TERF1: variants seen among roughly 807,000 people sequenced by gnomAD.
TERF1 encodes the protein telomeric repeat-binding factor 1.
A neutral mutation model predicts 55.1 loss-of-function variants in TERF1; 20 were observed. The ratio of observed to expected loss-of-function variants is 0.36; its 90% CI spans 0.26 to 0.53. The LOEUF is 0.53. TERF1 is among the 20% of genes least tolerant of loss of function. The pLI, the probability that TERF1 is intolerant of heterozygous loss-of-function variation, is 0.91. For synonymous variants in TERF1, 168 were observed against 181.2 expected (o/e 0.93, Z 0.59); for missense variants, 439 against 535.7 (o/e 0.82, Z 1.78).
At chr8:73,013,286 C>T (rs2098398380) in intron 1 of TERF1, among the ~76,000 whole-genome samples, 1 of 152,178 alleles carries the variant, frequency 6.6e-6, no homozygotes, top group Admixed American at 6.5e-5. Context: ...ACACAGATTT[C>T]TTGTTATATG....
chr8:73,009,123 C>A lies in TERF1; in HGVS notation c.237C>A (p.Leu79=). The change falls in exon 1 of 10, where the codon CTC becomes CTA. Residue 79 remains leucine, a synonymous_variant. Coordinates refer to ENST00000276603, the MANE Select transcript of TERF1 (RefSeq NM_017489.3). ...AGGCCGTGGCTGCCGGCTGGATGCT[C>A]GATTTCCTCTGCCTCTCTCTTTGCC... The part of the protein sequence containing the change: ...EAEAVAAGWM[L]DFLCLSLCRA... 3 of 1,610,922 alleles carry A rather than the reference C, an allele frequency of 1.9e-6. No individual in the cohort carries two copies. Among genetic ancestry groups the A allele is most frequent in the Non-Finnish European group, 8.5e-7 (1 of 1,179,676 alleles).
chr8:73,027,572 G>A (rs964945224), intron 6 of TERF1, among the ~76,000 whole-genome samples: 5 of 151,926 alleles, frequency 3.3e-5, no homozygotes, highest in African/African-American at 1.2e-4. Flanking sequence ...TTTTCTTTAG[G>A]GATTTTCAGG....
At chr8:73,013,604 G>A (rs1808366367) in intron 1 of TERF1, 1 of 246,744 alleles carries the variant, frequency 4.1e-6, no homozygotes, top group East Asian at 1.1e-4. Flanking sequence ...TCCAACCAAT[G>A]ATTTTACACA....
chr8:73,032,638 A>G (rs55884924), intron 8 of TERF1, among the ~76,000 whole-genome samples: 2,325 of 152,204 alleles, frequency 0.015, 72 homozygotes, highest in African/African-American at 0.053. Flanking sequence ...CATAAGGACA[A>G]AATCACCCAA....
At chr8:73,031,814 ACAT>A in intron 7 of TERF1, 1 of 331,980 alleles carries the variant, frequency 3.0e-6, no homozygotes, top group Non-Finnish European at 5.5e-6. Context: ...ACATCAAAAA[ACAT>A]CTTGATTTCT....
chr8:73,016,348 A>T (rs1350233130), intron 2 of TERF1, among the ~76,000 whole-genome samples: 2 of 151,206 alleles, frequency 1.3e-5, no homozygotes. Context: ...GTTTGGGGTG[A>T]TGTGGCTGTA....
At chr8:73,023,104 AT>A (rs978550341) in intron 4 of TERF1, among the ~76,000 whole-genome samples, 1 of 152,128 alleles carries the variant, frequency 6.6e-6, no homozygotes, top group Admixed American at 6.5e-5. Flanking sequence ...TACAGGTGTA[AT>A]TTTTTCCCCC....
chr8:73,043,336 T>A (rs1425761865), intron 9 of TERF1: 4 of 152,122 alleles, frequency 2.6e-5, no homozygotes, highest in African/African-American at 2.4e-5. Flanking sequence ...TATATCAAGC[T>A]AAAGTTACTC....
intron 4 of TERF1, among the ~76,000 whole-genome samples, chr8:73,023,078 A>AG (rs35655525): frequency 6.6e-6 from 1 of 151,804 alleles, no homozygotes; most frequent in Non-Finnish European, 1.5e-5. Flanking sequence ...GATACAAAAA[A>AG]TCTGTATGTG....
At chr8:73,012,829 A>G in intron 1 of TERF1, 1 of 434,640 alleles carries the variant, frequency 2.3e-6, no homozygotes, top group Non-Finnish European at 4.7e-6. Context: ...TACTTACATA[A>G]CTTTTTGTTT....
At chr8:73,018,320 C>T (rs765450669) in intron 2 of TERF1, among the ~76,000 whole-genome samples, 11 of 152,152 alleles carry the variant, frequency 7.2e-5, no homozygotes, top group Admixed American at 3.9e-4. Flanking sequence ...TTTGAAACTA[C>T]GAATATTTAA....
intron 4 of TERF1, among the ~76,000 whole-genome samples, chr8:73,022,527 G>A (rs368323618): frequency 1.3e-5 from 2 of 152,238 alleles, no homozygotes; most frequent in East Asian, 1.9e-4. Flanking sequence ...AGGCTGAGGT[G>A]GGAGGATCTC....
chr8:73,034,473 C>T (rs571662712), intron 8 of TERF1, among the ~76,000 whole-genome samples: 1 of 152,156 alleles, frequency 6.6e-6, no homozygotes, highest in African/African-American at 2.4e-5. Context: ...GCATGTTGCC[C>T]CTGCAGGTCT....
intron 8 of TERF1, chr8:73,038,872 G>T: frequency 1.8e-6 from 1 of 541,938 alleles, no homozygotes; most frequent in East Asian, 5.6e-5. Flanking sequence ...GACAGGTTCA[G>T]GGATGTGAAA....
intron 8 of TERF1, among the ~76,000 whole-genome samples, chr8:73,033,201 G>A (rs188219209): frequency 4.3e-4 from 66 of 151,998 alleles, no homozygotes; most frequent in African/African-American, 1.5e-3. Flanking sequence ...TGATGACATG[G>A]CAACCATTAG....
At chr8:73,038,305 T>G (rs1809690019) in intron 8 of TERF1, among the ~76,000 whole-genome samples, 1 of 150,776 alleles carries the variant, frequency 6.6e-6, no homozygotes, top group Non-Finnish European at 1.5e-5. Flanking sequence ...TTTTAAAAAA[T>G]TAGTCGGGCA....
chr8:73,021,446 C>A (rs1025438204), intron 3 of TERF1, among the ~76,000 whole-genome samples: 1 of 152,128 alleles, frequency 6.6e-6, no homozygotes, highest in Non-Finnish European at 1.5e-5. Flanking sequence ...TTATTGCAAT[C>A]TTTTAGGCTG....
chr8:73,031,533 C>T (rs1042476412), intron 7 of TERF1: 2 of 152,114 alleles, frequency 1.3e-5, no homozygotes, highest in Non-Finnish European at 2.9e-5. Context: ...TAATATAATA[C>T]CAATTTGGCA....
intron 3 of TERF1, among the ~76,000 whole-genome samples, chr8:73,021,999 A>T (rs370648005): frequency 1.3e-5 from 2 of 152,236 alleles, no homozygotes; most frequent in Non-Finnish European, 2.9e-5. Flanking sequence ...TTATGAATAA[A>T]TGTGCATGGG....
Sources: allele counts gnomAD v4.1 joint callset (sites outside exome capture counted in the v4.1 genomes callset), GRCh38; gene constraint gnomAD v4.1.1; transcripts MANE v1.5; gene names NCBI Gene and HGNC (gene_info 2026-07-23, HGNC 2026-07-21).